Variants in EFNB2 observed in about 807,000 individuals in gnomAD.
The protein encoded by EFNB2 is ephrin B2, also known as ephrin-B2.
In EFNB2, 5 loss-of-function variants were observed where a neutral mutation model predicts 32.1. The observed-to-expected ratio is 0.16, with a 90% CI of 0.08 to 0.33. The LOEUF (loss-of-function observed/expected upper bound fraction) is 0.33, where lower values mean the gene tolerates loss of function less well. EFNB2 is among the 10% of genes least tolerant of loss of function. The pLI, the probability that EFNB2 is intolerant of heterozygous loss-of-function variation, is 1.00. For missense variants in EFNB2, 263 were observed against 422.6 expected, an observed-to-expected ratio of 0.62 and a Z score of 3.31; for synonymous variants, 168 against 166.5, an observed-to-expected ratio of 1.01 and a Z score of -0.07.
chr13:106,510,368 T>C (rs2138918387), intron 2 of EFNB2, among the ~76,000 whole-genome samples: 1 of 152,370 alleles, frequency 6.6e-6, no homozygotes, highest in East Asian at 1.9e-4. Flanking sequence ...TCTTGCATAT[T>C]ATTTCACACT....
chr13:106,524,861 G>T (rs1879647449), intron 1 of EFNB2, among the ~76,000 whole-genome samples: 1 of 152,160 alleles, frequency 6.6e-6, no homozygotes, highest in Non-Finnish European at 1.5e-5. Context: ...TAGGACAAAA[G>T]AATTACAAAG....
At chr13:106,532,143 G>A (rs1374897180) in intron 1 of EFNB2, among the ~76,000 whole-genome samples, 1 of 151,606 alleles carries the variant, frequency 6.6e-6, no homozygotes, top group Non-Finnish European at 1.5e-5. Flanking sequence ...TCAAAGCAAT[G>A]TGAATAACCT....
At chr13:106,515,829 C>T (rs560185994) in intron 1 of EFNB2, among the ~76,000 whole-genome samples, 2 of 152,328 alleles carry the variant, frequency 1.3e-5, no homozygotes, top group African/African-American at 4.8e-5. Context: ...GGAACTCTCA[C>T]ACTTCCTAAA....
rs572279786 is a variant in EFNB2 at position 106,512,342 on chromosome 13, C to A, written c.406+187G>T. Reference sequence around the variant, plus strand: ...TTTGGGTATGTATACTTAATGAATACTGGTAGCACAGGGTCCCAAATTCAA... The same window carrying A: ...TTTGGGTATGTATACTTAATGAATAATGGTAGCACAGGGTCCCAAATTCAA... On this transcript the variant is annotated intron_variant, in intron 2 of 4. Transcript: ENST00000646441. Among the ~76,000 whole-genome samples, 6 of 117,368 alleles carry A rather than the reference C, an allele frequency of 5.1e-5. No individual in the cohort carries two copies. The South Asian group carries it at 1.4e-3, about 27-fold the overall frequency. The allele number at this position is 117,368 out of a possible 152,430, so 77.0% of individuals were successfully genotyped here. A position where few individuals can be genotyped will look rare whatever the true frequency, so the allele number is the denominator to read the frequency against.
chr13:106,502,289 C>T (rs1179097716), intron 2 of EFNB2, among the ~76,000 whole-genome samples: 4 of 152,162 alleles, frequency 2.6e-5, no homozygotes, highest in Non-Finnish European at 2.9e-5. Context: ...GTTTAGAACT[C>T]CCCTCCTCTT....
intron 1 of EFNB2, 23 bp downstream of exon 1, chr13:106,534,820 G>T (rs1406437233): frequency 1.2e-6 from 2 of 1,605,182 alleles, no homozygotes; most frequent in East Asian, 2.3e-5. Flanking sequence ...CGGGGACATA[G>T]GGGGATCGCG....
intron 4 of EFNB2, among the ~76,000 whole-genome samples, chr13:106,494,593 T>C (rs1466401196): frequency 6.6e-6 from 1 of 152,206 alleles, no homozygotes; most frequent in Non-Finnish European, 1.5e-5. Context: ...ACCAGCTTGA[T>C]AAAATGTCAG....
intron 1 of EFNB2, among the ~76,000 whole-genome samples, chr13:106,529,785 A>G (rs1332490885): frequency 1.3e-5 from 2 of 152,204 alleles, no homozygotes; most frequent in African/African-American, 4.8e-5. Context: ...CAATCAGATT[A>G]CTGCTGCTAG....
chr13:106,522,884 T>TG (rs1392596372), intron 1 of EFNB2, among the ~76,000 whole-genome samples: 1 of 152,112 alleles, frequency 6.6e-6, no homozygotes, highest in Non-Finnish European at 1.5e-5. Flanking sequence ...ATAAATAGGG[T>TG]GCTCAATAGG....
At chr13:106,503,449 T>A (rs920245732) in intron 2 of EFNB2, among the ~76,000 whole-genome samples, 1 of 152,100 alleles carries the variant, frequency 6.6e-6, no homozygotes, top group Non-Finnish European at 1.5e-5. Flanking sequence ...AGCTAGGGAA[T>A]CCGGGAGTGG....
intron 1 of EFNB2, among the ~76,000 whole-genome samples, chr13:106,530,369 T>C (rs945523827): frequency 3.3e-5 from 5 of 152,176 alleles, no homozygotes; most frequent in African/African-American, 2.4e-5. Context: ...TTTTAAACAG[T>C]TGAGCACTCC....
At position 106,534,851 on chromosome 13, in the gene EFNB2, C is replaced by T; in HGVS notation, c.114G>A (p.Ser38=). 1 of 1,611,544 alleles carries T rather than the reference C, an allele frequency of 6.2e-7. No individual in the cohort carries two copies. Among genetic ancestry groups the T allele is most frequent in the Non-Finnish European group, 8.5e-7 (1 of 1,178,826 alleles). The change falls in exon 1 of 5, where the codon TCG becomes TCA. Residue 38 remains serine (S), a synonymous_variant. Transcript: ENST00000646441. ...IVLEPIYWNS[S]NSKFLPGQGL... is the part of the protein sequence containing the mutation. ...TCGCGGACGCCACTTACTTGGAGTT[C>T]GAGGAATTCCAATAGATAGGCTCTA...
At chr13:106,510,898 C>T (rs913212781) in intron 2 of EFNB2, among the ~76,000 whole-genome samples, 1 of 152,096 alleles carries the variant, frequency 6.6e-6, no homozygotes, top group Admixed American at 6.5e-5. Context: ...ACTTGGGAGG[C>T]TGAGGCAGGA....
At position 106,492,519 on chromosome 13, in the gene EFNB2, A is replaced by G. The variant is rs1878441584; in HGVS notation, c.*521T>C. On this transcript the variant is annotated 3_prime_UTR_variant, in exon 5 of 5. Transcript: ENST00000646441. The surrounding 1 kb of genome is among the most constrained non-coding windows in gnomAD (Gnocchi z 5.1). The stretch of plus-strand genomic sequence containing the variant: ...GGAGGTCTCAGGTGAGGTGCTGCAG[A>G]GCCCTGGGTAACAGAACGAGTGAGA... The G allele has an allele frequency of 6.5e-6, 1 of 154,168 alleles. No individual in the cohort carries two copies. The highest frequency in any genetic ancestry group is 2.4e-5 in the African/African-American group (1 of 41,452). The allele number at this position is 154,168 out of a possible 1,614,324, so 9.6% of individuals were successfully genotyped here.
chr13:106,497,664 A>G lies in EFNB2; in HGVS notation c.407-1824T>C, dbSNP rs186346256. 3.2e-3 allele frequency among the ~76,000 whole-genome samples: 493 copies of G among 152,158 alleles called. 3 individuals carry two copies. Among genetic ancestry groups the G allele is most frequent in the African/African-American group, 0.011 (470 of 41,494 alleles). ...TGTTAACTCGTCATTTACATTAGGT[A>G]TATCTCCTAATGCTATCCCTCCCCC... On this transcript the variant is annotated intron_variant, in intron 2 of 4. Coordinates refer to ENST00000646441, the MANE Select transcript of EFNB2 (RefSeq NM_004093.4).
chr13:106,524,372 C>T (rs962196532), intron 1 of EFNB2, among the ~76,000 whole-genome samples: 7 of 152,210 alleles, frequency 4.6e-5, no homozygotes, highest in Non-Finnish European at 1.0e-4. Flanking sequence ...GGGACCCTGG[C>T]CCCAGACTAG....
chr13:106,504,992 A>G (rs887901163), intron 2 of EFNB2, among the ~76,000 whole-genome samples: 3 of 152,214 alleles, frequency 2.0e-5, no homozygotes, highest in Non-Finnish European at 4.4e-5. Context: ...AAAATTCATA[A>G]GAGCTAACAA....
At chr13:106,498,178 G>A (rs1878653117) in intron 2 of EFNB2, among the ~76,000 whole-genome samples, 1 of 152,036 alleles carries the variant, frequency 6.6e-6, no homozygotes, top group South Asian at 2.1e-4. Flanking sequence ...AGATCTGAAG[G>A]GCAGTGCACA....
intron 1 of EFNB2, 79 bp downstream of exon 1, chr13:106,534,764 C>A: frequency 6.7e-7 from 1 of 1,491,182 alleles, no homozygotes; most frequent in Non-Finnish European, 9.0e-7. Flanking sequence ...CGAGGCCCCG[C>A]GGACTGACCC....
Sources: allele counts gnomAD v4.1 joint callset (sites outside exome capture counted in the v4.1 genomes callset), GRCh38; gene constraint gnomAD v4.1.1; non-coding constraint Gnocchi (gnomAD v3.1); transcripts MANE v1.5; gene names NCBI Gene and HGNC (gene_info 2026-07-23, HGNC 2026-07-21).